The following TBXT variants were observed in gnomAD, a reference collection of about 807,000 sequenced individuals.
TBXT encodes the protein T brachyury transcription factor.
Under a neutral mutation model 41.1 loss-of-function variants are expected in TBXT, and 19 were observed. The ratio of observed to expected loss-of-function variants is 0.46; its 90% CI spans 0.32 to 0.68. The LOEUF (loss-of-function observed/expected upper bound fraction) is 0.68. TBXT is among the 30% of genes least tolerant of loss of function. The probability of loss-of-function intolerance (pLI) is 0.03; values close to 1 mark genes in which losing one functional copy is unlikely to be tolerated. For synonymous variants in TBXT, 213 were observed against 238.9 expected (o/e 0.89, Z 1.00); for missense variants, 536 against 582.0 (o/e 0.92, Z 0.81).
rs1255374700 is a variant in TBXT at position 166,167,759 on chromosome 6, C to A, written c.-168G>T. 2 of 789,536 alleles carry A rather than the reference C, an allele frequency of 2.5e-6. No homozygotes were observed. Among genetic ancestry groups the A allele is most frequent in the African/African-American group, 3.5e-5 (2 of 57,406 alleles). 48.9% of individuals were successfully genotyped at this position (789,536 alleles called of 1,614,324 possible). A position where few individuals can be genotyped will look rare whatever the true frequency, so the allele number is the denominator to read the frequency against. On this transcript the variant is annotated 5_prime_UTR_variant, in exon 1 of 8. Transcript: ENST00000366876. ...CCGGCACAGACCCGGGAGGAGGGCG[C>A]GGACCAAGACTTGGGGGGAGGGGAC... is the stretch of plus-strand genomic sequence containing the variant.
intron 7 of TBXT, among the ~76,000 whole-genome samples, chr6:166,160,325 C>T (rs1238116485): frequency 6.6e-6 from 1 of 152,196 alleles, no homozygotes; most frequent in East Asian, 1.9e-4. Context: ...GAGCCTGTAT[C>T]CATAGAAAAG....
chr6:166,165,907 T>C (rs1223211669), intron 2 of TBXT, 67 bp from the exon 3 acceptor site: 4 of 1,608,358 alleles, frequency 2.5e-6, no homozygotes. Flanking sequence ...AACATCCATT[T>C]CTCCAGGATG....
intron 2 of TBXT, 143 bp downstream of exon 2, chr6:166,166,448 CT>C (rs1779115885): frequency 7.6e-7 from 1 of 1,319,816 alleles, no homozygotes; most frequent in Non-Finnish European, 1.1e-6. Flanking sequence ...CGCTAAAGGC[CT>C]TATTAGAGAA....
chr6:166,161,122 A>G (rs1167680044), intron 6 of TBXT, among the ~76,000 whole-genome samples, 156 bp from the exon 7 acceptor site: 1 of 152,242 alleles, frequency 6.6e-6, no homozygotes, highest in East Asian at 1.9e-4. Context: ...GTCTATTTAC[A>G]TGGTTATCAG....
chr6:166,158,142 G>C lies in TBXT; in HGVS notation c.*173C>G, dbSNP rs1189438639. 1.0e-6 allele frequency: 1 copy of C among 980,376 alleles called. No homozygotes were observed. The highest frequency in any genetic ancestry group is 1.6e-5 in the African/African-American group (1 of 63,192). 60.7% of individuals were successfully genotyped at this position (980,376 alleles called of 1,614,324 possible). On this transcript the variant is annotated 3_prime_UTR_variant, in exon 8 of 8. Coordinates refer to ENST00000366876, the MANE Select transcript of TBXT (RefSeq NM_001366285.2). ...TGCAGGTGTGAGCAAGGGATGCTGG[G>C]GCTCTGGGGAAAGGTGCCGTGTGCT...
At chr6:166,164,573 A>G (rs371412981) in intron 5 of TBXT, 32 bp downstream of exon 5, 3 of 1,613,754 alleles carry the variant, frequency 1.9e-6, no homozygotes, top group Non-Finnish European at 2.5e-6. Context: ...CCGATGACGC[A>G]GAATGACATG....
intron 1 of TBXT, 97 bp downstream of exon 1, chr6:166,167,289 G>T (rs539805699): frequency 2.1e-5 from 29 of 1,398,762 alleles, no homozygotes; most frequent in African/African-American, 2.8e-5. Flanking sequence ...CCCTCCTCCA[G>T]GAGAAAAAGG....
At chr6:166,162,855 A>G (rs940381414) in intron 5 of TBXT, among the ~76,000 whole-genome samples, 2 of 151,926 alleles carry the variant, frequency 1.3e-5, no homozygotes, top group Non-Finnish European at 2.9e-5. Context: ...CAGAGAGCAG[A>G]GCCCAGGCCA....
At chr6:166,165,041 A>G (rs1779070375) in intron 3 of TBXT, among the ~76,000 whole-genome samples, 180 bp from the exon 4 acceptor site, 1 of 152,242 alleles carries the variant, frequency 6.6e-6, no homozygotes, top group South Asian at 2.1e-4. Context: ...ACAGAGTAGC[A>G]TGCTTATGAA....
At chr6:166,165,652 C>G in intron 3 of TBXT, 54 bp downstream of exon 3, 2 of 1,612,188 alleles carry the variant, frequency 1.2e-6, no homozygotes, top group Non-Finnish European at 8.5e-7. Flanking sequence ...CTCCACGGAG[C>G]AGCACACCAC....
At position 166,166,640 on chromosome 6, in the gene TBXT, G is replaced by C; in HGVS notation, c.423C>G (p.Val141=). 1 of 1,614,098 alleles carries C rather than the reference G, an allele frequency of 6.2e-7. No homozygotes were observed. The change falls in exon 2 of 8, where the codon GTC becomes GTG. Residue 141 remains valine (V), a synonymous_variant. Transcript: ENST00000366876. ...NFGAHWMKAP[V]SFSKVKLTNK... ...TGGTGAGCTTGACTTTGCTGAAGGAGACGGGAGCCTTCATCCAGTGGGCCC... is the reference window on the plus strand; with the variant it reads ...TGGTGAGCTTGACTTTGCTGAAGGACACGGGAGCCTTCATCCAGTGGGCCC...
In TBXT at chr6:166,160,813, C is replaced by T. The variant is rs373578549; in HGVS notation, c.1037+24G>A. Reference sequence around the variant, plus strand: ...CAGGCAGAGCTCCCAGGATGCTTTGCACCAGGTCCTGGACATACATTACCT... The same window carrying T: ...CAGGCAGAGCTCCCAGGATGCTTTGTACCAGGTCCTGGACATACATTACCT... On this transcript the variant is annotated intron_variant, in intron 7 of 7. Coordinates refer to ENST00000366876, the MANE Select transcript of TBXT (RefSeq NM_001366285.2). 28 of 1,613,632 alleles carry T rather than the reference C, an allele frequency of 1.7e-5. 1 individual carries two copies. Among genetic ancestry groups the T allele is most frequent in the Non-Finnish European group, 2.0e-5 (24 of 1,179,810 alleles).
chr6:166,158,131 A>T lies in TBXT; in HGVS notation c.*184T>A, dbSNP rs560625615. The stretch of plus-strand genomic sequence containing the variant: ...AGCACCGCTACTGCAGGTGTGAGCA[A>T]GGGATGCTGGGGCTCTGGGGAAAGG... On this transcript the variant is annotated 3_prime_UTR_variant, in exon 8 of 8. Coordinates refer to ENST00000366876, the MANE Select transcript of TBXT (RefSeq NM_001366285.2). The T allele has an allele frequency of 6.0e-4, 532 of 894,050 alleles. 2 individuals carry two copies. Among genetic ancestry groups the T allele is most frequent in the Middle Eastern group, 3.6e-3 (11 of 3,028 alleles). The allele number at this position is 894,050 out of a possible 1,614,324, so 55.4% of individuals were successfully genotyped here.
chr6:166,161,705 G>A (rs753300632), intron 6 of TBXT, among the ~76,000 whole-genome samples: 3 of 99,302 alleles, frequency 3.0e-5, no homozygotes, highest in Admixed American at 1.0e-4. Context: ...GGTGGATCAC[G>A]AGGTCAGAAG....
rs769976301 is a variant in TBXT, at chr6:166,166,879, A to C, written c.207-23T>G. The C allele has an allele frequency of 4.0e-5, 64 of 1,612,996 alleles. 1 individual carries two copies. Among genetic ancestry groups the C allele is most frequent in the Non-Finnish European group, 5.9e-6 (7 of 1,180,044 alleles). Reference sequence around the variant, plus strand: ...CTCCTGGAAAACACGGGGCGGGCGCAGGAGGACCCCGACACTGACCAGGTA... The same window carrying C: ...CTCCTGGAAAACACGGGGCGGGCGCCGGAGGACCCCGACACTGACCAGGTA... On this transcript the variant is annotated intron_variant, in intron 1 of 7. Coordinates refer to ENST00000366876, the MANE Select transcript of TBXT (RefSeq NM_001366285.2).
In TBXT at chr6:166,164,450, C is replaced by A. The variant is rs1033839415; in HGVS notation, c.730+155G>T. ...GGTTAGATGGGCAACACAGCTTCAA[C>A]ATCACAGGGCCAAGAGCCTCGCATG... On this transcript the variant is annotated intron_variant, in intron 5 of 7. Coordinates refer to ENST00000366876, the MANE Select transcript of TBXT (RefSeq NM_001366285.2). 2.6e-5 allele frequency among the ~76,000 whole-genome samples: 4 copies of A among 152,220 alleles called. No individual in the cohort carries two copies. The South Asian group carries it at 8.3e-4, about 32-fold the overall frequency.
intron 1 of TBXT, 37 bp from the exon 2 acceptor site, chr6:166,166,893 A>C: frequency 6.2e-7 from 1 of 1,612,596 alleles, no homozygotes; most frequent in Non-Finnish European, 8.5e-7. Context: ...GGACCCCGAC[A>C]CTGACCAGGT....
At position 166,165,782 on chromosome 6, in the gene TBXT, C is replaced by T. The variant is rs2305089; in HGVS notation, c.530G>A (p.Gly177Asp). The T allele has an allele frequency of 0.49, 788,388 of 1,613,758 alleles. 196,455 individuals are homozygous for T. Among genetic ancestry groups the T allele is most frequent in the Admixed American group, 0.53 (31,560 of 59,998 alleles). ...GTGGCTGGTGATCATGCGCTGTGGA[C>T]CCCCAACTCTCACTATGTGGATTCG... ...EPRIHIVRVG[G>D]PQRMITSHCF... The change falls in exon 3 of 8, where the codon GGT becomes GAT. Residue 177 changes from glycine to aspartate, a missense_variant. Gly to Asp is a moderately conservative substitution (Grantham distance 94). Transcript: ENST00000366876.
intron 7 of TBXT, among the ~76,000 whole-genome samples, chr6:166,159,957 A>G (rs1778903782): frequency 1.1e-5 from 1 of 92,812 alleles, no homozygotes; most frequent in Non-Finnish European, 2.4e-5. Flanking sequence ...ACCGCGGGCA[A>G]TTGAATTCTT....
Sources: gnomAD v4.1 joint callset for allele counts (sites outside exome capture counted in the v4.1 genomes callset) on GRCh38, gnomAD v4.1.1 for gene constraint, MANE v1.5 for transcripts, NCBI Gene and HGNC (gene_info 2026-07-23, HGNC 2026-07-21) for gene names.